Variants in RALGAPA2 observed in about 807,000 individuals in gnomAD.
RALGAPA2 encodes ral GTPase-activating protein subunit alpha-2.
A neutral mutation model predicts 230.4 loss-of-function variants in RALGAPA2; 139 were observed. The observed-to-expected ratio is 0.60, with a 90% CI of 0.53 to 0.69. The LOEUF is 0.69. RALGAPA2 is among the 30% of genes least tolerant of loss of function. The pLI, the probability that RALGAPA2 is intolerant of heterozygous loss-of-function variation, is 0.00. For missense variants in RALGAPA2, 2,163 were observed against 2,276.0 expected, an observed-to-expected ratio of 0.95 and a Z score of 1.01; for synonymous variants, 847 against 837.8, an observed-to-expected ratio of 1.01 and a Z score of -0.19.
At chr20:20,653,195 C>CAAAAAAAAAAAAAAAAAAAAAAA (rs60906434) in intron 4 of RALGAPA2, among the ~76,000 whole-genome samples, 5 of 27,512 alleles carry the variant, frequency 1.8e-4, no homozygotes, top group South Asian at 2.0e-3. Context: ...GACTCCATCT[C>CAAAAAAAAAAAAAAAAAAAAAAA]AAAAAAAAAA....
intron 3 of RALGAPA2, among the ~76,000 whole-genome samples, chr20:20,654,769 T>C (rs2067529119): frequency 6.6e-6 from 1 of 152,202 alleles, no homozygotes; most frequent in Non-Finnish European, 1.5e-5. Flanking sequence ...AGAAGTGGGA[T>C]TGCTGGGGCA....
intron 38 of RALGAPA2, among the ~76,000 whole-genome samples, chr20:20,402,051 C>T (rs924141276): frequency 2.0e-5 from 3 of 152,188 alleles, no homozygotes; most frequent in African/African-American, 4.8e-5. Context: ...GGTGGGTCCC[C>T]CACAGCAGGC....
At chr20:20,513,644 A>T (rs2062784535) in intron 31 of RALGAPA2, among the ~76,000 whole-genome samples, 1 of 152,010 alleles carries the variant, frequency 6.6e-6, no homozygotes, top group African/African-American at 2.4e-5. Flanking sequence ...GATCCAAGCA[A>T]CCCAGGCCAA....
chr20:20,522,327 T>G (rs1271579248), intron 30 of RALGAPA2, among the ~76,000 whole-genome samples: 1 of 151,982 alleles, frequency 6.6e-6, no homozygotes, highest in Non-Finnish European at 1.5e-5. Context: ...CTATGAACGG[T>G]AAAATGTATA....
chr20:20,593,608 G>C (rs1349656950), intron 16 of RALGAPA2, among the ~76,000 whole-genome samples: 5 of 152,202 alleles, frequency 3.3e-5, no homozygotes, highest in Non-Finnish European at 7.3e-5. Context: ...TATCAGAAGG[G>C]GGAGCCCAAG....
intron 1 of RALGAPA2, among the ~76,000 whole-genome samples, chr20:20,702,529 G>A (rs904332068): frequency 6.6e-6 from 1 of 152,190 alleles, no homozygotes; most frequent in African/African-American, 2.4e-5. Flanking sequence ...GCCCTTCAGA[G>A]GCATCTGAAG....
chr20:20,527,159 T>C (rs2063228109), intron 27 of RALGAPA2, among the ~76,000 whole-genome samples: 1 of 152,288 alleles, frequency 6.6e-6, no homozygotes, highest in Middle Eastern at 3.4e-3. Flanking sequence ...GAAAGGTTCG[T>C]CGCTGACCCT....
intron 27 of RALGAPA2, among the ~76,000 whole-genome samples, chr20:20,530,930 A>C (rs1189714020): frequency 6.6e-6 from 1 of 152,168 alleles, no homozygotes; most frequent in Non-Finnish European, 1.5e-5. Flanking sequence ...AATGCTATTT[A>C]TTACCACCAT....
chr20:20,611,225 T>G lies in RALGAPA2; in HGVS notation c.1800+90A>C, dbSNP rs2065964922. The G allele has an allele frequency of 2.1e-6, 3 of 1,439,298 alleles. No individual in the cohort carries two copies. The East Asian group carries it at 7.2e-5, about 35-fold the overall frequency. The allele number at this position is 1,439,298 out of a possible 1,614,324, so 89.2% of individuals were successfully genotyped here. ...ATTTCTAGAAATTTAAATTTAATAT[T>G]ATTTTTAAAATTCTCAATGATTAAA... On this transcript the variant is annotated intron_variant, in intron 14 of 39. Transcript: ENST00000202677.
chr20:20,496,563 T>C (rs1020303449), intron 35 of RALGAPA2, among the ~76,000 whole-genome samples: 1 of 152,232 alleles, frequency 6.6e-6, no homozygotes, highest in Admixed American at 6.5e-5. Flanking sequence ...TCTTGCTTCC[T>C]TATCTAACAG....
intron 22 of RALGAPA2, 102 bp from the exon 23 acceptor site, chr20:20,571,715 T>C (rs1251458564): frequency 1.4e-6 from 2 of 1,475,222 alleles, no homozygotes; most frequent in African/African-American, 2.8e-5. Context: ...TTTATGGACA[T>C]GTGGGATGCA....
intron 37 of RALGAPA2, among the ~76,000 whole-genome samples, chr20:20,443,878 T>C (rs2060800783): frequency 6.6e-6 from 1 of 152,248 alleles, no homozygotes; most frequent in Non-Finnish European, 1.5e-5. Context: ...AGTCCATCTC[T>C]CACAGCAGCA....
intron 24 of RALGAPA2, 103 bp downstream of exon 24, chr20:20,546,601 T>A: frequency 7.4e-7 from 1 of 1,345,094 alleles, no homozygotes. Flanking sequence ...CAGTTTCACA[T>A]TGCACTAATG....
chr20:20,563,733 A>G (rs1009599178), intron 23 of RALGAPA2, among the ~76,000 whole-genome samples: 1 of 152,194 alleles, frequency 6.6e-6, no homozygotes, highest in South Asian at 2.1e-4. Context: ...GCCTTGACAG[A>G]TAATGGGAAT....
At chr20:20,401,905 G>C (rs1260780660) in intron 38 of RALGAPA2, among the ~76,000 whole-genome samples, 1 of 152,224 alleles carries the variant, frequency 6.6e-6, no homozygotes, top group Non-Finnish European at 1.5e-5. Context: ...TGCCAAAGTG[G>C]CATGGTCTTT....
chr20:20,436,350 A>G (rs913987073), intron 37 of RALGAPA2, among the ~76,000 whole-genome samples: 1 of 152,238 alleles, frequency 6.6e-6, no homozygotes, highest in Non-Finnish European at 1.5e-5. Context: ...GTTTTCTAAA[A>G]AGATTTCAGT....
intron 24 of RALGAPA2, 148 bp from the exon 25 acceptor site, chr20:20,536,932 G>T: frequency 1.0e-6 from 1 of 961,398 alleles, no homozygotes; most frequent in Non-Finnish European, 1.5e-6. Flanking sequence ...AGCAAAAGAG[G>T]TTTGCCTAAA....
At chr20:20,466,188 C>T (rs2061418401) in intron 37 of RALGAPA2, among the ~76,000 whole-genome samples, 1 of 152,214 alleles carries the variant, frequency 6.6e-6, no homozygotes, top group African/African-American at 2.4e-5. Context: ...AGAAGGAAGG[C>T]CCCATAGGGT....
intron 38 of RALGAPA2, among the ~76,000 whole-genome samples, chr20:20,402,091 G>A (rs1404565857): frequency 6.6e-6 from 1 of 152,184 alleles, no homozygotes; most frequent in Non-Finnish European, 1.5e-5. Flanking sequence ...GTAGGGTGGA[G>A]CAATGAGTCC....
Sources: gnomAD v4.1 joint callset for allele counts (sites outside exome capture counted in the v4.1 genomes callset) on GRCh38, gnomAD v4.1.1 for gene constraint, MANE v1.5 for transcripts, NCBI Gene and HGNC (gene_info 2026-07-23, HGNC 2026-07-21) for gene names.